PPP2R5E: variants seen among roughly 807,000 people sequenced by gnomAD.
PPP2R5E encodes serine/threonine-protein phosphatase 2A 56 kDa regulatory subunit epsilon isoform.
Under a neutral mutation model 65.3 loss-of-function variants are expected in PPP2R5E, and 4 were observed. The ratio of observed to expected loss-of-function variants is 0.06; its 90% confidence interval spans 0.03 to 0.14. The LOEUF is 0.14. PPP2R5E is among the 10% of genes least tolerant of loss of function. The probability of loss-of-function intolerance (pLI) is 1.00; values close to 1 mark genes in which losing one functional copy is unlikely to be tolerated. For missense variants in PPP2R5E, 274 were observed against 556.1 expected (o/e 0.49, Z 5.10); for synonymous variants, 183 against 187.4 (o/e 0.98, Z 0.19).
rs563691981 is a variant in PPP2R5E, at chr14:63,388,290, G to A, written c.1074+1322C>T. 1.9e-4 allele frequency among the ~76,000 whole-genome samples: 29 copies of A among 152,038 alleles called. No homozygotes were observed. In the South Asian group the frequency reaches 5.0e-3, roughly 26 times the overall value. On this transcript the variant is annotated intron_variant, in intron 11 of 13. Transcript: ENST00000337537. ...CGAGTAGTTGGGATTACAGGCGCCC[G>A]CCACCACGTCCAGCTAATTTTTGTA...
intron 2 of PPP2R5E, among the ~76,000 whole-genome samples, chr14:63,463,689 C>T (rs1485518217): frequency 3.3e-5 from 5 of 150,910 alleles, no homozygotes; most frequent in African/African-American, 4.9e-5. Flanking sequence ...CTCCGCCTCC[C>T]GGGTTCATGC....
intron 8 of PPP2R5E, among the ~76,000 whole-genome samples, chr14:63,392,960 G>T (rs918004874): frequency 6.6e-6 from 1 of 152,084 alleles, no homozygotes; most frequent in Non-Finnish European, 1.5e-5. Context: ...AATTAGAATG[G>T]GGACAAGACA....
chr14:63,419,312 T>C (rs1391149610), intron 4 of PPP2R5E, among the ~76,000 whole-genome samples: 2 of 152,176 alleles, frequency 1.3e-5, no homozygotes, highest in Non-Finnish European at 2.9e-5. Flanking sequence ...CCTTGCAAAA[T>C]GTGTTCCAGA....
intron 5 of PPP2R5E, among the ~76,000 whole-genome samples, chr14:63,405,840 G>T (rs1028459673): frequency 1.3e-5 from 2 of 152,136 alleles, no homozygotes; most frequent in African/African-American, 4.8e-5. Context: ...AGTCTACATA[G>T]TCATAGCTCT....
intron 5 of PPP2R5E, among the ~76,000 whole-genome samples, chr14:63,404,846 T>C (rs1188034554): frequency 2.0e-5 from 3 of 152,198 alleles, no homozygotes. Context: ...AGACAACCTA[T>C]TTGGTCAGCA....
At chr14:63,461,905 C>T (rs1889490418) in intron 2 of PPP2R5E, among the ~76,000 whole-genome samples, 1 of 152,038 alleles carries the variant, frequency 6.6e-6, no homozygotes, top group South Asian at 2.1e-4. Context: ...TATTCTCTCT[C>T]GACCTTCCTT....
At chr14:63,503,141 G>C (rs896111002) in intron 2 of PPP2R5E, among the ~76,000 whole-genome samples, 2 of 152,010 alleles carry the variant, frequency 1.3e-5, no homozygotes, top group East Asian at 3.9e-4. Flanking sequence ...GCCAAACAGG[G>C]AAAGTTAGCC....
chr14:63,414,325 C>T (rs1886568771), intron 5 of PPP2R5E, among the ~76,000 whole-genome samples: 1 of 151,914 alleles, frequency 6.6e-6, no homozygotes, highest in Admixed American at 6.6e-5. Flanking sequence ...GCTCTTTTGC[C>T]CAGGCTAGAT....
chr14:63,442,189 T>C (rs1162324291), intron 3 of PPP2R5E, among the ~76,000 whole-genome samples: 1 of 152,144 alleles, frequency 6.6e-6, no homozygotes, highest in Non-Finnish European at 1.5e-5. Flanking sequence ...GAGATCTCAT[T>C]ATCATATCCT....
At chr14:63,436,466 C>G (rs922252519) in intron 3 of PPP2R5E, among the ~76,000 whole-genome samples, 4 of 152,210 alleles carry the variant, frequency 2.6e-5, no homozygotes, top group African/African-American at 9.6e-5. Context: ...GTGCACGTCT[C>G]TGTGTGTGTC....
intron 2 of PPP2R5E, among the ~76,000 whole-genome samples, chr14:63,498,267 G>C (rs1462844106): frequency 6.6e-6 from 1 of 152,138 alleles, no homozygotes; most frequent in East Asian, 1.9e-4. Context: ...AATTCTCTAA[G>C]TTCTACTTAC....
Position 63,415,166 on chromosome 14 carries a change from AT to A in PPP2R5E, c.522del (p.Lys174AsnfsTer3). ...SQEFQPSIAK[K>X]YIDQKFVLQL... ...TGTAATACAAATTTCTGATCTATATATTTTTTGGCAATGCTGGGTTGGAATT... is the reference window on the plus strand; with the variant it reads ...TGTAATACAAATTTCTGATCTATATATTTTTGGCAATGCTGGGTTGGAATT... On this transcript the variant is annotated frameshift_variant, in exon 5 of 14. Transcript: ENST00000337537. LOFTEE classifies it high-confidence loss of function. The A allele has an allele frequency of 5.6e-6, 9 of 1,597,288 alleles. No individual in the cohort carries two copies. The highest frequency in any genetic ancestry group is 1.7e-5 in the Admixed American group (1 of 59,806).
rs569121925 is a variant in PPP2R5E, at chr14:63,469,851, C to T, written c.158-15966G>A. Among the ~76,000 whole-genome samples the T allele has an allele frequency of 3.9e-5, 6 of 152,244 alleles. 1 individual carries two copies. The highest frequency in any genetic ancestry group is 1.4e-4 in the African/African-American group (6 of 41,532). ...CCTGCCTAATACATGTTAATATTCC[C>T]ATTTTACCTGTAAGAGAACCAAGGC... On this transcript the variant is annotated intron_variant, in intron 2 of 13. Transcript: ENST00000337537.
chr14:63,404,526 C>G (rs990663407), intron 5 of PPP2R5E, among the ~76,000 whole-genome samples: 1 of 152,124 alleles, frequency 6.6e-6, no homozygotes, highest in African/African-American at 2.4e-5. Context: ...TGAATCAGAA[C>G]GACTCAAGGG....
intron 2 of PPP2R5E, among the ~76,000 whole-genome samples, chr14:63,470,740 G>A (rs560090674): frequency 6.0e-4 from 82 of 137,272 alleles, no homozygotes; most frequent in African/African-American, 2.3e-3. Flanking sequence ...AAAAAAAAAC[G>A]TGGCTGAGCA....
At chr14:63,380,855 G>T (rs1021823559) in intron 13 of PPP2R5E, among the ~76,000 whole-genome samples, 7 of 152,078 alleles carry the variant, frequency 4.6e-5, no homozygotes, top group African/African-American at 1.7e-4. Flanking sequence ...AAAAATCATT[G>T]CAATGGTCCC....
chr14:63,522,713 GC>G (rs1892984783), intron 2 of PPP2R5E, among the ~76,000 whole-genome samples: 1 of 147,956 alleles, frequency 6.8e-6, no homozygotes, highest in Non-Finnish European at 1.5e-5. Context: ...CTGCCCGGCC[GC>G]CCCGTCTGAG....
intron 6 of PPP2R5E, 29 bp downstream of exon 6, chr14:63,396,557 T>C: frequency 6.2e-7 from 1 of 1,606,922 alleles, no homozygotes. Context: ...ACTTTGCTTC[T>C]CCTTCTTCCC....
chr14:63,478,189 T>C (rs540960978), intron 2 of PPP2R5E, among the ~76,000 whole-genome samples: 7 of 152,320 alleles, frequency 4.6e-5, no homozygotes, highest in African/African-American at 1.7e-4. Flanking sequence ...ACACATCGAA[T>C]GACAACTTGT....
Sources: allele counts gnomAD v4.1 joint callset (sites outside exome capture counted in the v4.1 genomes callset), GRCh38; gene constraint gnomAD v4.1.1; transcripts MANE v1.5; gene names NCBI Gene and HGNC (gene_info 2026-07-23, HGNC 2026-07-21).